EYS: variants seen among roughly 807,000 people sequenced by gnomAD.
EYS encodes the protein protein eyes shut homolog.
EYS carries 250 observed loss-of-function variants against 282.1 expected under a neutral mutation model. The ratio of observed to expected loss-of-function variants is 0.89; its 90% CI spans 0.80 to 0.98. The LOEUF (loss-of-function observed/expected upper bound fraction) is 0.98. EYS is among the 50% of genes least tolerant of loss of function. The pLI, the probability that EYS is intolerant of heterozygous loss-of-function variation, is 0.00. For missense variants in EYS, 4,016 were observed against 3,709.0 expected (o/e 1.08, Z -2.15); for synonymous variants, 1,355 against 1,282.9 (o/e 1.06, Z -1.20).
rs73767188 is a variant in EYS at position 64,927,833 on chromosome 6, A to G, written c.2382-15090T>C. Among the ~76,000 whole-genome samples, 470 of 152,256 alleles carry G rather than the reference A, an allele frequency of 3.1e-3. 3 individuals are homozygous for G. The highest frequency in any genetic ancestry group is 0.011 in the African/African-American group (451 of 41,572). ...TTATTAAGATAAACATAGTAAATAG[A>G]TAATTTAATTTACATTTAAAGATTT... On this transcript the variant is annotated intron_variant, in intron 15 of 42. Transcript: ENST00000503581.
chr6:64,523,365 A>G (rs1197869471), intron 26 of EYS, among the ~76,000 whole-genome samples: 1 of 151,766 alleles, frequency 6.6e-6, no homozygotes, highest in Non-Finnish European at 1.5e-5. Context: ...ATTTGATTAG[A>G]GTTTCTGAAA....
rs891400212 is a variant in EYS at position 65,700,299 on chromosome 6, C to T, written c.-448+6836G>A. On this transcript the variant is annotated intron_variant, in intron 1 of 42. Transcript: ENST00000503581. The stretch of plus-strand genomic sequence containing the variant: ...AGACAATCAGAACTTCAACTAAGAC[C>T]GTGACAGTGACATGGAAAAAAGAGG... Among the ~76,000 whole-genome samples the T allele has an allele frequency of 2.6e-5, 4 of 151,662 alleles. No homozygotes were observed. In the South Asian group the frequency reaches 6.2e-4, roughly 24 times the overall value.
chr6:64,332,783 C>T (rs1453097934), intron 29 of EYS, among the ~76,000 whole-genome samples: 6 of 152,092 alleles, frequency 3.9e-5, no homozygotes, highest in African/African-American at 9.7e-5. Context: ...TACACATGGC[C>T]GAAGCCTAAG....
At chr6:65,231,156 C>CTTTTATATATATA (rs1766771807) in intron 12 of EYS, among the ~76,000 whole-genome samples, 1 of 135,192 alleles carries the variant, frequency 7.4e-6, no homozygotes, top group African/African-American at 2.7e-5. Context: ...TATATATATA[C>CTTTTATATATATA]TTTTATATAT....
intron 22 of EYS, among the ~76,000 whole-genome samples, chr6:64,771,784 G>T (rs565044394): frequency 7.8e-4 from 119 of 151,712 alleles, no homozygotes; most frequent in Middle Eastern, 6.9e-3. Flanking sequence ...TGTTCATTTT[G>T]CTCTGAGTTT....
intron 1 of EYS, among the ~76,000 whole-genome samples, chr6:65,652,009 T>C (rs1051610683): frequency 1.3e-5 from 2 of 152,112 alleles, no homozygotes; most frequent in African/African-American, 4.8e-5. Flanking sequence ...ACTTTGATGG[T>C]ATTAGACACA....
chr6:65,127,574 TAC>T (rs1317678765), intron 12 of EYS, among the ~76,000 whole-genome samples: 1 of 152,140 alleles, frequency 6.6e-6, no homozygotes, highest in East Asian at 1.9e-4. Context: ...AAAAACAATT[TAC>T]TGTAGCTGTG....
At chr6:64,397,885 A>T (rs910887776) in intron 28 of EYS, among the ~76,000 whole-genome samples, 17 of 152,010 alleles carry the variant, frequency 1.1e-4, no homozygotes, top group Non-Finnish European at 4.4e-5. Flanking sequence ...ACATAAATTT[A>T]ACCATATTCA....
intron 7 of EYS, among the ~76,000 whole-genome samples, chr6:65,399,270 C>A (rs1582240697): frequency 6.6e-6 from 1 of 151,742 alleles, no homozygotes; most frequent in African/African-American, 2.4e-5. Context: ...AAGAGTTTTA[C>A]TTAGAGTAGG....
chr6:64,368,270 A>G (rs1298958365), intron 29 of EYS, among the ~76,000 whole-genome samples: 1 of 152,118 alleles, frequency 6.6e-6, no homozygotes, highest in African/African-American at 2.4e-5. Context: ...AAAGGACATG[A>G]TAGCATTCTT....
intron 19 of EYS, among the ~76,000 whole-genome samples, chr6:64,836,577 T>C (rs976607807): frequency 6.6e-5 from 10 of 151,516 alleles, no homozygotes; most frequent in African/African-American, 2.4e-4. Flanking sequence ...ATTAAAATAG[T>C]GAAGCATAAT....
At chr6:65,645,894 A>G (rs1185610296) in intron 1 of EYS, among the ~76,000 whole-genome samples, 1 of 152,082 alleles carries the variant, frequency 6.6e-6, no homozygotes, top group Non-Finnish European at 1.5e-5. Context: ...GTCTACTACG[A>G]ACACCTTTAT....
intron 35 of EYS, among the ~76,000 whole-genome samples, chr6:63,969,472 A>G (rs1766455880): frequency 6.6e-6 from 1 of 152,258 alleles, no homozygotes. Flanking sequence ...TCTGTAGATT[A>G]GTTTAAAACT....
At chr6:64,113,225 T>C (rs1773265133) in intron 31 of EYS, among the ~76,000 whole-genome samples, 1 of 152,138 alleles carries the variant, frequency 6.6e-6, no homozygotes, top group Non-Finnish European at 1.5e-5. Flanking sequence ...CTTTTATTTG[T>C]TCCAAATTGG....
chr6:64,445,758 A>C (rs1002381519), intron 26 of EYS, among the ~76,000 whole-genome samples: 1 of 152,088 alleles, frequency 6.6e-6, no homozygotes, highest in Non-Finnish European at 1.5e-5. Flanking sequence ...TAATAGGAGG[A>C]AGAAATAACT....
intron 26 of EYS, among the ~76,000 whole-genome samples, chr6:64,450,557 T>A (rs1442213905): frequency 6.6e-6 from 1 of 152,124 alleles, no homozygotes; most frequent in South Asian, 2.1e-4. Flanking sequence ...GAATATACAT[T>A]CTTTCAGCAC....
At chr6:64,910,619 A>C (rs568718666) in intron 16 of EYS, among the ~76,000 whole-genome samples, 5 of 152,032 alleles carry the variant, frequency 3.3e-5, no homozygotes, top group Admixed American at 1.3e-4. Flanking sequence ...ACGTACAATA[A>C]TAAAATACTA....
At chr6:63,733,432 C>T (rs764139531) in intron 41 of EYS, among the ~76,000 whole-genome samples, 46 of 152,078 alleles carry the variant, frequency 3.0e-4, no homozygotes, top group Non-Finnish European at 5.1e-4. Context: ...AGCCCTTGTG[C>T]CCCTCCCTCC....
chr6:64,346,774 T>C (rs1771418786), intron 29 of EYS, among the ~76,000 whole-genome samples: 1 of 151,522 alleles, frequency 6.6e-6, no homozygotes, highest in South Asian at 2.1e-4. Flanking sequence ...ATGATGCAGT[T>C]ACTCTAGTGG....
Sources: gnomAD v4.1 joint callset for allele counts (sites outside exome capture counted in the v4.1 genomes callset) on GRCh38, gnomAD v4.1.1 for gene constraint, MANE v1.5 for transcripts, NCBI Gene and HGNC (gene_info 2026-07-23, HGNC 2026-07-21) for gene names.